ABCE1: variants seen among roughly 807,000 people sequenced by gnomAD.
ABCE1 encodes ATP binding cassette subfamily E member 1.
In ABCE1, 22 loss-of-function variants were observed where a neutral mutation model predicts 83.4. That is an observed-to-expected ratio of 0.26 (90% CI 0.19 to 0.38). ABCE1 has a LOEUF of 0.38. ABCE1 is among the 10% of genes least tolerant of loss of function. ABCE1 has a pLI of 1.00. For synonymous variants in ABCE1, 204 were observed against 233.7 expected (o/e 0.87, Z 1.16); for missense variants, 330 against 721.9 (o/e 0.46, Z 6.22).
chr4:145,106,266 G>C (rs985644989), intron 3 of ABCE1, among the ~76,000 whole-genome samples: 2 of 151,930 alleles, frequency 1.3e-5, no homozygotes, highest in Non-Finnish European at 2.9e-5. Context: ...CTTTCTGTTT[G>C]TAGATATTAT....
chr4:145,114,146 G>A (rs1223192613), intron 9 of ABCE1, among the ~76,000 whole-genome samples: 1 of 152,072 alleles, frequency 6.6e-6, no homozygotes, highest in Non-Finnish European at 1.5e-5. Context: ...GAGCCAAATA[G>A]AAGCCATAAT....
At chr4:145,103,753 TG>T (rs1327975860) in intron 1 of ABCE1, among the ~76,000 whole-genome samples, 133 of 146,530 alleles carry the variant, frequency 9.1e-4, no homozygotes, top group African/African-American at 3.1e-3. Flanking sequence ...TTGCTTTGTC[TG>T]GGTTGGTTGG....
At chr4:145,125,271 C>T (rs1025044875) in intron 17 of ABCE1, among the ~76,000 whole-genome samples, 170 bp downstream of exon 17, 6 of 152,056 alleles carry the variant, frequency 3.9e-5, no homozygotes, top group African/African-American at 1.2e-4. Context: ...AGTTTGAGAC[C>T]AGCCTGGCCA....
At position 145,110,363 on chromosome 4, in the gene ABCE1, A is replaced by G; in HGVS notation, c.544-12A>G. 2 of 1,611,430 alleles carry G rather than the reference A, an allele frequency of 1.2e-6. No individual in the cohort carries two copies. Among genetic ancestry groups the G allele is most frequent in the Non-Finnish European group, 1.7e-6 (2 of 1,179,172 alleles). ...AAAGAAAATAGTAACTGTTTTTGGT[A>G]TATTGTGGCAGGGGACAGTGGGATC... is the stretch of plus-strand genomic sequence containing the variant. On this transcript the variant is annotated splice_polypyrimidine_tract_variant and intron_variant, in intron 6 of 17. Coordinates refer to ENST00000296577, the MANE Select transcript of ABCE1 (RefSeq NM_002940.3).
At chr4:145,125,927 G>C (rs1317286093) in intron 17 of ABCE1, among the ~76,000 whole-genome samples, 1 of 152,044 alleles carries the variant, frequency 6.6e-6, no homozygotes, top group African/African-American at 2.4e-5. Context: ...TGTAATCCCA[G>C]CTACTCGGGA....
At position 145,110,460 on chromosome 4, in the gene ABCE1, T is replaced by C; in HGVS notation, c.613+16T>C. ...CAGCAGCTTGGTAAGTGTTTATTTT[T>C]TGTTTGTGTGAATATATATTTATTT... On this transcript the variant is annotated intron_variant, in intron 7 of 17. Coordinates refer to ENST00000296577, the MANE Select transcript of ABCE1 (RefSeq NM_002940.3). 2 of 1,608,382 alleles carry C rather than the reference T, an allele frequency of 1.2e-6. No individual in the cohort carries two copies. Among genetic ancestry groups the C allele is most frequent in the Non-Finnish European group, 1.7e-6 (2 of 1,177,092 alleles).
chr4:145,105,785 A>C (rs1749287211), intron 3 of ABCE1, 95 bp downstream of exon 3: 2 of 708,492 alleles, frequency 2.8e-6, no homozygotes, highest in Non-Finnish European at 4.6e-6. Context: ...AAGTGAGGCA[A>C]AGTATAAAGC....
intron 1 of ABCE1, among the ~76,000 whole-genome samples, chr4:145,098,742 C>G (rs1010563765): frequency 2.0e-5 from 3 of 146,396 alleles, no homozygotes; most frequent in Non-Finnish European, 4.4e-5. Context: ...GCTAAACCTG[C>G]TGGAGAGGAA....
At chr4:145,124,115 A>G (rs947888468) in intron 16 of ABCE1, among the ~76,000 whole-genome samples, 9 of 152,188 alleles carry the variant, frequency 5.9e-5, no homozygotes, top group African/African-American at 2.2e-4. Flanking sequence ...CACTTGCAAT[A>G]TAGAGAAGCC....
At chr4:145,109,820 A>G (rs143432646) in intron 5 of ABCE1, among the ~76,000 whole-genome samples, 17 of 152,294 alleles carry the variant, frequency 1.1e-4, no homozygotes, top group African/African-American at 4.1e-4. Flanking sequence ...ACTTGTTTTG[A>G]AAATATGAGC....
At position 145,109,127 on chromosome 4, in the gene ABCE1, A is replaced by G. The variant is rs780596034; in HGVS notation, c.288-5A>G. 4 of 1,590,906 alleles carry G rather than the reference A, an allele frequency of 2.5e-6. No individual in the cohort carries two copies. In the Admixed American group the frequency reaches 6.8e-5, roughly 27 times the overall value. ...TGTTTTATTATTTTTGTATACTTGT[A>G]ACAGGTTGCCTATCCCTCGTCCAGG... On this transcript the variant is annotated splice_polypyrimidine_tract_variant and splice_region_variant and intron_variant, in intron 4 of 17. Transcript: ENST00000296577.
At chr4:145,107,738 A>C (rs1749347786) in intron 3 of ABCE1, among the ~76,000 whole-genome samples, 1 of 152,208 alleles carries the variant, frequency 6.6e-6, no homozygotes, top group Non-Finnish European at 1.5e-5. Context: ...CAGGTGCTCC[A>C]GGGCTGACTG....
intron 4 of ABCE1, 55 bp downstream of exon 4, chr4:145,108,167 G>A (rs1284843102): frequency 6.6e-7 from 1 of 1,506,776 alleles, no homozygotes; most frequent in African/African-American, 1.4e-5. Flanking sequence ...AAATACATTT[G>A]GGATTTTAAG....
In ABCE1 at chr4:145,128,249, TTG is replaced by T. The variant is rs1749947842; in HGVS notation, c.*678_*679del. 1 of 152,648 alleles carries T rather than the reference TTG, an allele frequency of 6.6e-6. No individual in the cohort carries two copies. Among genetic ancestry groups the T allele is most frequent in the African/African-American group, 2.4e-5 (1 of 41,456 alleles). The allele number at this position is 152,648 out of a possible 1,614,324, so 9.5% of individuals were successfully genotyped here. On this transcript the variant is annotated 3_prime_UTR_variant, in exon 18 of 18. Transcript: ENST00000296577. ...CCCCTAACTTTACTCTGAACTTTTT[TTG>T]TTTTTGCATTCCATGAGGTTCTGTA...
chr4:145,107,749 C>G (rs997175280), intron 3 of ABCE1, among the ~76,000 whole-genome samples: 3 of 152,170 alleles, frequency 2.0e-5, no homozygotes, highest in Admixed American at 1.3e-4. Flanking sequence ...GGGCTGACTG[C>G]AGGACTTGAG....
At chr4:145,127,487 C>T (rs980361157) in intron 17 of ABCE1, 39 bp from the exon 18 acceptor site, 8 of 1,551,558 alleles carry the variant, frequency 5.2e-6, no homozygotes, top group African/African-American at 2.8e-5. Context: ...ATAGTAGAAT[C>T]GTGTTGCTGA....
intron 1 of ABCE1, among the ~76,000 whole-genome samples, chr4:145,099,871 T>A (rs932770879): frequency 1.3e-5 from 2 of 152,196 alleles, no homozygotes; most frequent in African/African-American, 2.4e-5. Context: ...AGAATGACAC[T>A]GAGGGTCATT....
chr4:145,123,664 C>T, intron 16 of ABCE1, 64 bp downstream of exon 16: 1 of 1,446,334 alleles, frequency 6.9e-7, no homozygotes, highest in Non-Finnish European at 9.4e-7. Context: ...ATAGTAAAGT[C>T]ACTCACTTTA....
chr4:145,119,839 A>C, intron 10 of ABCE1, 93 bp from the exon 11 acceptor site: 1 of 850,628 alleles, frequency 1.2e-6, no homozygotes, highest in South Asian at 1.7e-5. Flanking sequence ...AATCCACAGA[A>C]ATTTAAAGTA....
Sources: gnomAD v4.1 joint callset for allele counts (sites outside exome capture counted in the v4.1 genomes callset) on GRCh38, gnomAD v4.1.1 for gene constraint, MANE v1.5 for transcripts, NCBI Gene and HGNC (gene_info 2026-07-23, HGNC 2026-07-21) for gene names.